LUZP2: variants seen among roughly 807,000 people sequenced by gnomAD.
LUZP2 encodes the protein leucine zipper protein 2.
Under a neutral mutation model 51.6 loss-of-function variants are expected in LUZP2, and 52 were observed. The ratio of observed to expected loss-of-function variants is 1.01; its 90% CI spans 0.81 to 1.27. The LOEUF (loss-of-function observed/expected upper bound fraction) is 1.27. Among genes scored for constraint, LUZP2 ranks in the 50% most tolerant of loss-of-function variants. LUZP2 has a pLI of 0.00. For synonymous variants in LUZP2, 154 were observed against 137.3 expected, an observed-to-expected ratio of 1.12 and a Z score of -0.85; for missense variants, 436 against 395.4, an observed-to-expected ratio of 1.10 and a Z score of -0.87.
intron 1 of LUZP2, among the ~76,000 whole-genome samples, chr11:24,514,008 T>C (rs1850389841): frequency 6.6e-6 from 1 of 152,196 alleles, no homozygotes; most frequent in Admixed American, 6.5e-5. Flanking sequence ...CTGGCTATGT[T>C]CTATAATAAG....
chr11:24,993,322 A>C (rs1261176968), intron 9 of LUZP2, among the ~76,000 whole-genome samples: 1 of 152,150 alleles, frequency 6.6e-6, no homozygotes, highest in Non-Finnish European at 1.5e-5. Context: ...ATTAAAAAAG[A>C]GAAGGTTAAA....
At chr11:24,974,822 T>A (rs556971015) in intron 7 of LUZP2, among the ~76,000 whole-genome samples, 16 of 152,142 alleles carry the variant, frequency 1.1e-4, no homozygotes, top group Admixed American at 2.6e-4. Flanking sequence ...ATCCAAAGCA[T>A]ATTGAGCAAG....
chr11:24,881,510 C>T (rs1460910888), intron 5 of LUZP2, among the ~76,000 whole-genome samples: 1 of 151,638 alleles, frequency 6.6e-6, no homozygotes, highest in Admixed American at 6.6e-5. Context: ...ACTTTGTCTA[C>T]CTGAGATGTA....
chr11:24,798,344 C>T (rs1849605259), intron 5 of LUZP2, among the ~76,000 whole-genome samples: 1 of 151,984 alleles, frequency 6.6e-6, no homozygotes, highest in Admixed American at 6.6e-5. Flanking sequence ...ACTAAAAGCA[C>T]ACACCACCAT....
chr11:24,615,915 T>A (rs1854268811), intron 1 of LUZP2, among the ~76,000 whole-genome samples: 1 of 151,678 alleles, frequency 6.6e-6, no homozygotes. Flanking sequence ...TGATGGATAA[T>A]GATGAACATT....
chr11:24,512,874 C>T (rs997020676), intron 1 of LUZP2, among the ~76,000 whole-genome samples: 8 of 151,940 alleles, frequency 5.3e-5, no homozygotes, highest in South Asian at 4.1e-4. Context: ...CTCAGCCCCC[C>T]GAGTAGCTGG....
At chr11:24,973,535 T>C (rs1855807283) in intron 7 of LUZP2, among the ~76,000 whole-genome samples, 1 of 151,930 alleles carries the variant, frequency 6.6e-6, no homozygotes, top group Non-Finnish European at 1.5e-5. Flanking sequence ...TGTTGTCACG[T>C]TGTTAATCTG....
intron 1 of LUZP2, among the ~76,000 whole-genome samples, chr11:24,609,646 CTT>C (rs1377355664): frequency 7.2e-6 from 1 of 138,932 alleles, no homozygotes; most frequent in East Asian, 2.3e-4. Context: ...ACAAGAATCA[CTT>C]TAACCCTGGG....
chr11:24,642,748 T>C (rs544601691), intron 1 of LUZP2, among the ~76,000 whole-genome samples: 1 of 149,640 alleles, frequency 6.7e-6, no homozygotes, highest in East Asian at 1.9e-4. Flanking sequence ...CTGTCTCAAC[T>C]CTGCATGTAA....
chr11:24,885,459 C>CATAGAG (rs1019890998), intron 5 of LUZP2, among the ~76,000 whole-genome samples: 9 of 152,004 alleles, frequency 5.9e-5, no homozygotes, highest in Admixed American at 1.3e-4. Flanking sequence ...TGTTGAAAGT[C>CATAGAG]ATAGAGATTA....
chr11:24,895,133 G>A (rs915663173), intron 5 of LUZP2, among the ~76,000 whole-genome samples: 1 of 152,068 alleles, frequency 6.6e-6, no homozygotes, highest in African/African-American at 2.4e-5. Context: ...TCCGTGGGGT[G>A]GCATAAGATT....
chr11:25,081,076 C>T lies in LUZP2; in HGVS notation c.*2418C>T, dbSNP rs1859448402. 7.8e-6 allele frequency: 1 copy of T among 127,718 alleles called. No homozygotes were observed. The highest frequency in any genetic ancestry group is 1.6e-5 in the Non-Finnish European group (1 of 63,440). 7.9% of individuals were successfully genotyped at this position (127,718 alleles called of 1,614,324 possible). A position where few individuals can be genotyped will look rare whatever the true frequency, so the allele number is the denominator to read the frequency against. ...GAGATGAAATCTCGCTCTTGTTGCC[C>T]AGGCTGGAGTGCAATGGAGCGATCT... is the stretch of plus-strand genomic sequence containing the variant. On this transcript the variant is annotated 3_prime_UTR_variant, in exon 12 of 12. Coordinates refer to ENST00000336930, the MANE Select transcript of LUZP2 (RefSeq NM_001009909.4).
At chr11:25,007,161 T>C (rs1167721380) in intron 9 of LUZP2, among the ~76,000 whole-genome samples, 2 of 152,302 alleles carry the variant, frequency 1.3e-5, no homozygotes, top group East Asian at 1.9e-4. Context: ...TTGGTGCATT[T>C]ACAATCCCTT....
chr11:24,742,782 A>G (rs193105290), intron 4 of LUZP2, among the ~76,000 whole-genome samples: 1 of 152,190 alleles, frequency 6.6e-6, no homozygotes, highest in African/African-American at 2.4e-5. Context: ...GCCAATGTCA[A>G]GAACGGTTTT....
At chr11:24,636,095 T>A (rs1337935973) in intron 1 of LUZP2, among the ~76,000 whole-genome samples, 1 of 151,946 alleles carries the variant, frequency 6.6e-6, no homozygotes, top group Middle Eastern at 3.2e-3. Flanking sequence ...CTAAAATAAG[T>A]GGGGTTTGTC....
chr11:24,534,410 T>C (rs181030487), intron 1 of LUZP2, among the ~76,000 whole-genome samples: 55 of 150,822 alleles, frequency 3.6e-4, no homozygotes, highest in African/African-American at 1.3e-3. Flanking sequence ...TAGAAAGATT[T>C]CTACATATAG....
chr11:24,567,074 C>T (rs550098634), intron 1 of LUZP2, among the ~76,000 whole-genome samples: 128 of 148,400 alleles, frequency 8.6e-4, no homozygotes, highest in African/African-American at 3.0e-3. Context: ...ATCTCTTGAC[C>T]TTGTGATCTG....
chr11:24,615,827 T>C (rs1478441105), intron 1 of LUZP2, among the ~76,000 whole-genome samples: 1 of 150,580 alleles, frequency 6.6e-6, no homozygotes, highest in Non-Finnish European at 1.5e-5. Context: ...ATGTCTCATA[T>C]ATATATATTA....
intron 5 of LUZP2, among the ~76,000 whole-genome samples, chr11:24,820,163 C>T (rs975588593): frequency 1.3e-4 from 20 of 152,012 alleles, no homozygotes; most frequent in African/African-American, 4.6e-4. Context: ...AATAGGTGAA[C>T]GCATACAGTG....
Sources: allele counts gnomAD v4.1 joint callset (sites outside exome capture counted in the v4.1 genomes callset), GRCh38; gene constraint gnomAD v4.1.1; transcripts MANE v1.5; gene names NCBI Gene and HGNC (gene_info 2026-07-23, HGNC 2026-07-21).